The following MTNR1A variants were observed in gnomAD, a reference collection of about 807,000 sequenced individuals.
MTNR1A encodes the protein melatonin receptor 1A.
In MTNR1A, 7 loss-of-function variants were observed where a neutral mutation model predicts 5.5. The ratio of observed to expected loss-of-function variants is 1.28; its 90% confidence interval spans 0.73 to 2.40. The LOEUF is 2.40. Ranked by LOEUF, MTNR1A falls within the 30% of genes most tolerant of loss-of-function variation. The pLI, the probability that MTNR1A is intolerant of heterozygous loss-of-function variation, is 0.00. For missense variants in MTNR1A, 441 were observed against 464.4 expected, an observed-to-expected ratio of 0.95 and a Z score of 0.46; for synonymous variants, 196 against 202.7, an observed-to-expected ratio of 0.97 and a Z score of 0.28.
rs1370724544 is a variant in MTNR1A, at chr4:186,555,252, G to A, written c.114C>T (p.Ile38=). ...GGAGGTTGCCCAGGATGTCCACCAC[G>A]ATGGTGAAGATGAGGACGCAGGCCA... ...SALACVLIFT[I]VVDILGNLLV... is the part of the protein sequence containing the mutation. The change falls in exon 1 of 2, where the codon ATC becomes ATT. Residue 38 remains isoleucine, a synonymous_variant. Transcript: ENST00000307161. The surrounding 1 kb of genome is among the most constrained non-coding windows in gnomAD (Gnocchi z 4.1). 6.4e-7 allele frequency: 1 copy of A among 1,570,332 alleles called. No homozygotes were observed.
At chr4:186,541,632 C>G (rs571570987) in intron 1 of MTNR1A, among the ~76,000 whole-genome samples, 8 of 152,336 alleles carry the variant, frequency 5.3e-5, no homozygotes, top group African/African-American at 1.9e-4. Flanking sequence ...TAAGCTCCCC[C>G]TCCTGTCAGC....
intron 1 of MTNR1A, among the ~76,000 whole-genome samples, chr4:186,551,554 G>A (rs1245584207): frequency 6.6e-6 from 1 of 152,110 alleles, no homozygotes; most frequent in African/African-American, 2.4e-5. Context: ...TGGATGGATG[G>A]ATAGATGGAT....
chr4:186,536,345 TCAAAAAAA>T (rs1736850054), intron 1 of MTNR1A, among the ~76,000 whole-genome samples: 1 of 142,518 alleles, frequency 7.0e-6, no homozygotes, highest in African/African-American at 2.6e-5. Flanking sequence ...AAACTCCGTA[TCAAAAAAA>T]AAAAAGAAAA....
At chr4:186,537,929 T>C (rs1211156879) in intron 1 of MTNR1A, among the ~76,000 whole-genome samples, 1 of 152,246 alleles carries the variant, frequency 6.6e-6, no homozygotes, top group Non-Finnish European at 1.5e-5. Flanking sequence ...ATCAGCCTTG[T>C]GGTGATTAAA....
Position 186,534,036 on chromosome 4 carries a change from T to C in MTNR1A, c.706A>G (p.Asn236Asp). The C allele has an allele frequency of 6.2e-7, 1 of 1,614,070 alleles. No individual in the cohort carries two copies. The highest frequency in any genetic ancestry group is 8.5e-7 in the Non-Finnish European group (1 of 1,180,020). The change falls in exon 2 of 2, where the codon AAT (asparagine) becomes GAT (aspartate). Residue 236 changes from asparagine (N) to aspartate (D), a missense_variant. Transcript: ENST00000307161. ...AAAACCACAAACATGGTGACAAAAT[T>C]CCTGAAGTCCTGTGGTTTCAGTTTG... ...KPKLKPQDFR[N>D]FVTMFVVFVL...
chr4:186,548,815 AT>A (rs1737207481), intron 1 of MTNR1A, among the ~76,000 whole-genome samples: 1 of 66,172 alleles, frequency 1.5e-5, no homozygotes, highest in Non-Finnish European at 2.8e-5. Context: ...ATAAAGATAT[AT>A]ATATATATAT....
intron 1 of MTNR1A, among the ~76,000 whole-genome samples, chr4:186,539,843 T>C (rs1022074410): frequency 2.0e-5 from 3 of 152,230 alleles, no homozygotes; most frequent in African/African-American, 4.8e-5. Context: ...TTGAATTGTT[T>C]ATAGGGTTGT....
chr4:186,555,069 C>T lies in MTNR1A; in HGVS notation c.184+113G>A. ...GAGTCCTCTCTAACAGGAAAAATAA[C>T]TCCAAGTCCGCAGTGTTTAGGAAAA... On this transcript the variant is annotated intron_variant, in intron 1 of 1. Transcript: ENST00000307161. This position sits in a 1 kb window ranked among gnomAD's most constrained non-coding sequence, Gnocchi z 4.1. The T allele has an allele frequency of 1.6e-6, 2 of 1,216,290 alleles. No homozygotes were observed. The highest frequency in any genetic ancestry group is 1.3e-5 in the South Asian group (1 of 75,824). The allele number at this position is 1,216,290 out of a possible 1,614,324, so 75.3% of individuals were successfully genotyped here.
At chr4:186,540,664 C>A (rs1736994829) in intron 1 of MTNR1A, among the ~76,000 whole-genome samples, 2 of 149,918 alleles carry the variant, frequency 1.3e-5, no homozygotes, top group South Asian at 4.2e-4. Context: ...GTCTGAAGGA[C>A]CAGGTGCTGT....
Position 186,555,127 on chromosome 4 carries a change from G to A in MTNR1A, c.184+55C>T. On this transcript the variant is annotated intron_variant, in intron 1 of 1. Coordinates refer to ENST00000307161, the MANE Select transcript of MTNR1A (RefSeq NM_005958.4). This position sits in a 1 kb window ranked among gnomAD's most constrained non-coding sequence, Gnocchi z 4.1. ...AGTGCTTGGGGAAGGCTGGCTGCCC[G>A]CGGAGAGGCGCTGCGTCCGGAGCGC... The A allele has an allele frequency of 3.9e-6, 6 of 1,532,642 alleles. No homozygotes were observed. In the Admixed American group the frequency reaches 5.7e-5, roughly 15 times the overall value. 94.9% of individuals were successfully genotyped at this position (1,532,642 alleles called of 1,614,324 possible). A position where few individuals can be genotyped will look rare whatever the true frequency, so the allele number is the denominator to read the frequency against.
rs187063863 is a variant in MTNR1A at position 186,536,130 on chromosome 4, G to T, written c.185-1573C>A. 3.3e-3 allele frequency among the ~76,000 whole-genome samples: 506 copies of T among 152,216 alleles called. 2 individuals are homozygous for T. The highest frequency in any genetic ancestry group is 0.011 in the African/African-American group (477 of 41,536). ...GGAGGCCAAGGTGGGTGGATCAACT[G>T]AAGTCAGGAGTTCAGGACCAGCCTG... On this transcript the variant is annotated intron_variant, in intron 1 of 1. Transcript: ENST00000307161.
rs773623154 is a variant in MTNR1A at position 186,534,532 on chromosome 4, C to T, written c.210G>A (p.Ala70=). 4.6e-5 allele frequency: 74 copies of T among 1,613,106 alleles called. 1 individual carries two copies. In the South Asian group the frequency reaches 6.7e-4, roughly 15 times the overall value. Reference sequence around the variant, plus strand: ...AAATGGCCACCACCAGGTCTGCCACCGCTAAGCTCACCACAAAGATGTTTC... The same window carrying T: ...AAATGGCCACCACCAGGTCTGCCACTGCTAAGCTCACCACAAAGATGTTTC... ...NAGNIFVVSL[A]VADLVVAIYP... Residue 70 remains alanine, a synonymous_variant, in exon 2 of 2, where the codon GCG becomes GCA. Coordinates refer to ENST00000307161, the MANE Select transcript of MTNR1A (RefSeq NM_005958.4).
In MTNR1A at chr4:186,534,449, A is replaced by C. The variant is rs780174305; in HGVS notation, c.293T>G (p.Leu98Arg). The change falls in exon 2 of 2, where the codon CTG becomes CGG. Residue 98 changes from leucine to arginine, a missense_variant. Leu to Arg is a moderately radical substitution (Grantham distance 102, BLOSUM62 -2). Transcript: ENST00000307161. ...CAGGAACCCACTGACTTGGCAGTGCAGATAGCCCAGGTTCCACCCGTTGTT... is the reference window on the plus strand; with the variant it reads ...CAGGAACCCACTGACTTGGCAGTGCCGATAGCCCAGGTTCCACCCGTTGTT... ...IFNNGWNLGY[L>R]HCQVSGFLMG... The C allele has an allele frequency of 1.2e-6, 2 of 1,614,046 alleles. No homozygotes were observed. Among genetic ancestry groups the C allele is most frequent in the African/African-American group, 1.3e-5 (1 of 74,914 alleles).
In MTNR1A at chr4:186,534,190, G is replaced by A; in HGVS notation, c.552C>T (p.Ser184=). 6.2e-7 allele frequency: 1 copy of A among 1,613,682 alleles called. No homozygotes were observed. The highest frequency in any genetic ancestry group is 2.2e-5 in the East Asian group (1 of 44,856). ...IYSCTFAQSV[S]SAYTIAVVVF... ...CCACCACGGCGATGGTGTAGGCGGA[G>A]CTGACGGACTGGGCGAAGGTGCACG... Residue 184 remains serine (S), a synonymous_variant, in exon 2 of 2, where the codon AGC becomes AGT. Coordinates refer to ENST00000307161, the MANE Select transcript of MTNR1A (RefSeq NM_005958.4).
chr4:186,548,251 T>C (rs1018163477), intron 1 of MTNR1A, among the ~76,000 whole-genome samples: 1 of 152,026 alleles, frequency 6.6e-6, no homozygotes, highest in Non-Finnish European at 1.5e-5. Flanking sequence ...AATTGCTAAA[T>C]CCAAAAGAGA....
In MTNR1A at chr4:186,533,933, G is replaced by A; in HGVS notation, c.809C>T (p.Pro270Leu). The A allele has an allele frequency of 6.2e-7, 1 of 1,614,184 alleles. No individual in the cohort carries two copies. The highest frequency in any genetic ancestry group is 8.5e-7 in the Non-Finnish European group (1 of 1,180,034). ...CACAAACAGCCACTCTGGGATCCTA[G>A]GCACCATGCTGGCGGGGTCAGAGGC... Reference protein sequence around the residue: ...AVASDPASMVPRIPEWLFVAS... With the variant: ...AVASDPASMVLRIPEWLFVAS... The change falls in exon 2 of 2, where the codon CCT becomes CTT. Residue 270 changes from proline to leucine, a missense_variant. By Grantham distance (98) the Pro-to-Leu change is moderately conservative (BLOSUM62 -3). Transcript: ENST00000307161.
rs139043198 is a variant in MTNR1A, at chr4:186,546,537, A to G, written c.184+8645T>C. On this transcript the variant is annotated intron_variant, in intron 1 of 1. Transcript: ENST00000307161. ...ACCCTCTTCATGTGACACGCCATCC[A>G]CATCACACCCCATTAACGGGATATG... 9.0e-4 allele frequency among the ~76,000 whole-genome samples: 137 copies of G among 152,114 alleles called. 1 individual carries two copies. In the East Asian group the frequency reaches 0.02, roughly 22 times the overall value.
intron 1 of MTNR1A, among the ~76,000 whole-genome samples, chr4:186,540,309 T>C (rs549493412): frequency 3.3e-5 from 5 of 152,344 alleles, no homozygotes; most frequent in African/African-American, 9.6e-5. Flanking sequence ...TGTGAATATG[T>C]GAAGTTGGCC....
At chr4:186,537,684 A>G (rs1736892203) in intron 1 of MTNR1A, among the ~76,000 whole-genome samples, 1 of 152,242 alleles carries the variant, frequency 6.6e-6, no homozygotes, top group Non-Finnish European at 1.5e-5. Context: ...TTAGTGAAAG[A>G]GTCAGGATTA....
Sources: allele counts gnomAD v4.1 joint callset (sites outside exome capture counted in the v4.1 genomes callset), GRCh38; gene constraint gnomAD v4.1.1; non-coding constraint Gnocchi (gnomAD v3.1); transcripts MANE v1.5; gene names NCBI Gene and HGNC (gene_info 2026-07-23, HGNC 2026-07-21).